LMOD2: variants seen among roughly 807,000 people sequenced by gnomAD.
LMOD2 encodes the protein leiomodin-2.
LMOD2 carries 27 observed loss-of-function variants against 41.7 expected under a neutral mutation model. The observed-to-expected ratio is 0.65, with a 90% CI of 0.48 to 0.89. LMOD2 has a LOEUF of 0.89. Ranked by LOEUF, LMOD2 falls within the 40% of genes least tolerant of loss-of-function variation. LMOD2 has a pLI of 0.00. For missense variants in LMOD2, 624 were observed against 667.9 expected, an observed-to-expected ratio of 0.93 and a Z score of 0.72; for synonymous variants, 251 against 244.6, an observed-to-expected ratio of 1.03 and a Z score of -0.25.
rs1171726546 is a variant in LMOD2 at position 123,656,226 on chromosome 7, A to C, written c.263A>C (p.Glu88Ala). 1.9e-6 allele frequency: 3 copies of C among 1,606,296 alleles called. No homozygotes were observed. Among genetic ancestry groups the C allele is most frequent in the East Asian group, 4.5e-5 (2 of 44,652 alleles). ...QKLLEKERLGECGKVAEDKEE... is the reference protein window; with the variant it reads ...QKLLEKERLGACGKVAEDKEE... ...CTCTTGGAGAAGGAGAGGCTGGGGG[A>C]ATGTGGAAAGGTAGGCTCTCGGGAC... Residue 88 changes from glutamate (E) to alanine (A), a missense_variant, in exon 1 of 3, where the codon GAA (glutamate) becomes GCA (alanine). By Grantham distance (107) the Glu-to-Ala change is moderately radical (BLOSUM62 -1). Coordinates refer to ENST00000458573, the MANE Select transcript of LMOD2 (RefSeq NM_207163.3).
In LMOD2 at chr7:123,662,072, G is replaced by T; in HGVS notation, c.486G>T (p.Lys162Asn). 1 of 1,605,384 alleles carries T rather than the reference G, an allele frequency of 6.2e-7. No homozygotes were observed. The highest frequency in any genetic ancestry group is 8.5e-7 in the Non-Finnish European group (1 of 1,175,408). The change falls in exon 2 of 3, where the codon AAG becomes AAT. Residue 162 changes from lysine to asparagine, a missense_variant. Transcript: ENST00000458573. This position sits in a 1 kb window ranked among gnomAD's most constrained non-coding sequence, Gnocchi z 4.0. ...ATAGTGTCAATTCTGACAACTCTAA[G>T]CCAAAGATATTTAAAAGTCAAATAG... ...NYDSVNSDNS[K>N]PKIFKSQIEN...
intron 1 of LMOD2, among the ~76,000 whole-genome samples, chr7:123,660,666 G>A (rs914579877): frequency 1.3e-5 from 2 of 150,512 alleles, no homozygotes; most frequent in Non-Finnish European, 3.0e-5. Context: ...CTGTAGAGAA[G>A]ATAAAGAGAA....
chr7:123,661,630 G>C (rs138245185), intron 1 of LMOD2, among the ~76,000 whole-genome samples: 1 of 152,128 alleles, frequency 6.6e-6, no homozygotes. Flanking sequence ...GTTGAATTCT[G>C]GATATTCTGC....
Position 123,662,146 on chromosome 7 carries a change from C to A in LMOD2, c.560C>A (p.Pro187Gln). The A allele has an allele frequency of 6.2e-7, 1 of 1,613,564 alleles. No homozygotes were observed. Among genetic ancestry groups the A allele is most frequent in the African/African-American group, 1.3e-5 (1 of 75,042 alleles). ...AGCAATGGGAGGAACACAGAGTCCCCAGCTGCCATTCACCCTTGTGGAAAT... is the reference window on the plus strand; with the variant it reads ...AGCAATGGGAGGAACACAGAGTCCCAAGCTGCCATTCACCCTTGTGGAAAT... The part of the protein sequence containing the change: ...NGSNGRNTES[P>Q]AAIHPCGNPT... The change falls in exon 2 of 3, where the codon CCA becomes CAA. Residue 187 changes from proline to glutamine, a missense_variant. Coordinates refer to ENST00000458573, the MANE Select transcript of LMOD2 (RefSeq NM_207163.3). This position sits in a 1 kb window ranked among gnomAD's most constrained non-coding sequence, Gnocchi z 4.0.
intron 1 of LMOD2, among the ~76,000 whole-genome samples, chr7:123,659,068 C>T (rs1802835278): frequency 6.6e-6 from 1 of 152,160 alleles, no homozygotes. Context: ...GAAGCCTTAC[C>T]AATAACATAA....
intron 1 of LMOD2, among the ~76,000 whole-genome samples, chr7:123,660,325 A>T (rs544411013): frequency 0.025 from 3,691 of 147,200 alleles, 92 homozygotes; most frequent in Middle Eastern, 0.073. Flanking sequence ...TCTCTCTCTC[A>T]CACACACACA....
Position 123,664,269 on chromosome 7 carries a change from A to T in LMOD2, c.*524A>T, listed in dbSNP as rs3815458. ...TAACATTACTGGACATTAAAAAAAA[A>T]TATTACATTCTCACCCAAAAAGGGT... On this transcript the variant is annotated 3_prime_UTR_variant, in exon 3 of 3. Transcript: ENST00000458573. 69,532 of 152,044 alleles carry T rather than the reference A, an allele frequency of 0.46. 16,162 individuals are homozygous for T. The highest frequency in any genetic ancestry group is 0.67 in the South Asian group (3,213 of 4,828). 9.4% of individuals were successfully genotyped at this position (152,044 alleles called of 1,614,324 possible).
chr7:123,659,080 C>A (rs568905986), intron 1 of LMOD2, among the ~76,000 whole-genome samples: 1 of 152,144 alleles, frequency 6.6e-6, no homozygotes, highest in African/African-American at 2.4e-5. Flanking sequence ...ATAACATAAA[C>A]GGTCAATTAA....
At chr7:123,656,440 T>C (rs1397627712) in intron 1 of LMOD2, among the ~76,000 whole-genome samples, 8 of 152,222 alleles carry the variant, frequency 5.3e-5, no homozygotes, top group Admixed American at 2.0e-4. Context: ...TGTAAAATTC[T>C]TAATTGGGGC....
chr7:123,658,142 A>G (rs549533464), intron 1 of LMOD2, among the ~76,000 whole-genome samples: 1 of 152,312 alleles, frequency 6.6e-6, no homozygotes, highest in South Asian at 2.1e-4. Context: ...AGCCGGACGA[A>G]CCCACCTGAT....
At chr7:123,656,628 C>T (rs1391451630) in intron 1 of LMOD2, among the ~76,000 whole-genome samples, 2 of 152,004 alleles carry the variant, frequency 1.3e-5, no homozygotes, top group Non-Finnish European at 2.9e-5. Context: ...CAGTTAAGTA[C>T]ATTTATTTTC....
Position 123,662,961 on chromosome 7 carries a change from A to G in LMOD2, c.1375A>G (p.Ile459Val). Residue 459 changes from isoleucine to valine, a missense_variant, in exon 2 of 3, where the codon ATT becomes GTT. Transcript: ENST00000458573. The surrounding 1 kb of genome is among the most constrained non-coding windows in gnomAD (Gnocchi z 4.0). ...LPEKKLITRNIAEVIKQQESA... is the reference protein window; with the variant it reads ...LPEKKLITRNVAEVIKQQESA... ...AGAGAAAAAGCTCATTACCAGAAAC[A>G]TTGCAGAAGTCATCAAACAACAGGA... 1 of 1,552,740 alleles carries G rather than the reference A, an allele frequency of 6.4e-7. No homozygotes were observed.
rs1227667628 is a variant in LMOD2 at position 123,655,911 on chromosome 7, G to T, written c.-53G>T. 3 of 1,532,844 alleles carry T rather than the reference G, an allele frequency of 2.0e-6. No individual in the cohort carries two copies. Among genetic ancestry groups the T allele is most frequent in the East Asian group, 2.4e-5 (1 of 42,392 alleles). 95.0% of individuals were successfully genotyped at this position (1,532,844 alleles called of 1,614,324 possible). On this transcript the variant is annotated 5_prime_UTR_variant, in exon 1 of 3. Transcript: ENST00000458573. ...CTTGCCTCCCTGCCTGCTTCTGGCC[G>T]CCTTGAATGCCTGGTCCTTCAAGCT...
At chr7:123,659,722 T>C (rs1273906656) in intron 1 of LMOD2, among the ~76,000 whole-genome samples, 2 of 152,164 alleles carry the variant, frequency 1.3e-5, no homozygotes. Flanking sequence ...GAAAAACAAG[T>C]GACCAAAATA....
chr7:123,656,717 C>A (rs767278363), intron 1 of LMOD2, among the ~76,000 whole-genome samples: 1 of 152,022 alleles, frequency 6.6e-6, no homozygotes, highest in Non-Finnish European at 1.5e-5. Context: ...TTTCCAATAC[C>A]AAGAAGTGTG....
At position 123,655,989 on chromosome 7, in the gene LMOD2, G is replaced by A; in HGVS notation, c.26G>A (p.Gly9Glu). 1 of 1,608,640 alleles carries A rather than the reference G, an allele frequency of 6.2e-7. No homozygotes were observed. Among genetic ancestry groups the A allele is most frequent in the Non-Finnish European group, 8.5e-7 (1 of 1,177,970 alleles). MSTFGYRRGLSKYESIDED... is the reference protein window; with the variant it reads MSTFGYRRELSKYESIDED... Reference sequence around the variant, plus strand: ...ATGTCTACCTTTGGCTACCGAAGAGGACTCAGTAAATACGAATCCATCGAC... The same window carrying A: ...ATGTCTACCTTTGGCTACCGAAGAGAACTCAGTAAATACGAATCCATCGAC... The change falls in exon 1 of 3, where the codon GGA (glycine) becomes GAA (glutamate). Residue 9 changes from glycine to glutamate, a missense_variant. By Grantham distance (98) the Gly-to-Glu change is moderately conservative. Coordinates refer to ENST00000458573, the MANE Select transcript of LMOD2 (RefSeq NM_207163.3).
chr7:123,663,858 A>G lies in LMOD2; in HGVS notation c.*113A>G. 1 of 804,252 alleles carries G rather than the reference A, an allele frequency of 1.2e-6. No individual in the cohort carries two copies. The allele number at this position is 804,252 out of a possible 1,614,324, so 49.8% of individuals were successfully genotyped here. A position where few individuals can be genotyped will look rare whatever the true frequency, so the allele number is the denominator to read the frequency against. ...TTCAAAATGATCCCTGACTTTAAAA[A>G]TAATCTCACCCATTAATTCCAAAGA... On this transcript the variant is annotated 3_prime_UTR_variant, in exon 3 of 3. Transcript: ENST00000458573.
chr7:123,663,649 C>T, intron 2 of LMOD2, 70 bp from the exon 3 acceptor site: 1 of 1,277,706 alleles, frequency 7.8e-7, no homozygotes, highest in Non-Finnish European at 1.1e-6. Context: ...CTGCTAGAGA[C>T]ATATCCTACA....
chr7:123,663,686 GT>G, intron 2 of LMOD2, 32 bp from the exon 3 acceptor site: 1 of 1,559,652 alleles, frequency 6.4e-7, no homozygotes, highest in Non-Finnish European at 8.7e-7. Context: ...CATGTGTGTT[GT>G]TTCATTGAGA....
Sources: allele counts gnomAD v4.1 joint callset (sites outside exome capture counted in the v4.1 genomes callset), GRCh38; gene constraint gnomAD v4.1.1; non-coding constraint Gnocchi (gnomAD v3.1); transcripts MANE v1.5; gene names NCBI Gene and HGNC (gene_info 2026-07-23, HGNC 2026-07-21).